The following POLN variants were observed in gnomAD, a reference collection of about 807,000 sequenced individuals.
POLN encodes the protein DNA polymerase N.
In POLN, 108 loss-of-function variants were observed where a neutral mutation model predicts 113.5. The ratio of observed to expected loss-of-function variants is 0.95; its 90% CI spans 0.81 to 1.12. POLN has a LOEUF of 1.12. Ranked by LOEUF, POLN falls within the 50% of genes most tolerant of loss-of-function variation. POLN has a pLI of 0.00. For missense variants in POLN, 1,097 were observed against 1,077.1 expected, an observed-to-expected ratio of 1.02 and a Z score of -0.26; for synonymous variants, 386 against 391.5, an observed-to-expected ratio of 0.99 and a Z score of 0.17.
chr4:2,170,730 GTT>G lies in POLN; in HGVS notation c.1501_1502del (p.Asn501GlnfsTer77), dbSNP rs1469963031. The G allele has an allele frequency of 6.2e-7, 1 of 1,614,200 alleles. No homozygotes were observed. Among genetic ancestry groups the G allele is most frequent in the Non-Finnish European group, 8.5e-7 (1 of 1,180,028 alleles). ...TCTGCAACCCCGTTCTGGGGAGACT[GTT>G]CCTTTGACTCAGCAGGTGCAGCTTT... The part of the protein sequence containing the change: ...KLKLHLLSQR[N>X]SLPRTGLQKY... On this transcript the variant is annotated frameshift_variant, in exon 13 of 26. Coordinates refer to ENST00000511885, the MANE Select transcript of POLN (RefSeq NM_181808.4). LOFTEE classifies it high-confidence loss of function.
chr4:2,091,339 G>A (rs1436257824), intron 20 of POLN, among the ~76,000 whole-genome samples: 1 of 152,122 alleles, frequency 6.6e-6, no homozygotes, highest in African/African-American at 2.4e-5. Context: ...CGGTCCCCAG[G>A]CATAAAGAAA....
chr4:2,210,137 G>A (rs910228076), intron 4 of POLN, among the ~76,000 whole-genome samples: 1 of 151,722 alleles, frequency 6.6e-6, no homozygotes. Context: ...TTTTATTGCA[G>A]AGAAATATAT....
rs540431747 is a variant in POLN, at chr4:2,148,952, C to A, written c.1731+7836G>T. Among the ~76,000 whole-genome samples, 6 of 152,124 alleles carry A rather than the reference C, an allele frequency of 3.9e-5. 1 individual carries two copies. The South Asian group carries it at 1.2e-3, about 32-fold the overall frequency. The stretch of plus-strand genomic sequence containing the variant: ...AAACCTTTTAACTGAGAATTTTATA[C>A]CTCGCAAAAATAACTTTCAAAAACC... On this transcript the variant is annotated intron_variant, in intron 16 of 25. Transcript: ENST00000511885.
chr4:2,214,329 A>G (rs1409025676), intron 3 of POLN, among the ~76,000 whole-genome samples: 1 of 152,226 alleles, frequency 6.6e-6, no homozygotes, highest in Non-Finnish European at 1.5e-5. Flanking sequence ...CTTTATATAC[A>G]ACAAAGATAG....
At chr4:2,134,234 G>A (rs1731797427) in intron 16 of POLN, among the ~76,000 whole-genome samples, 1 of 152,132 alleles carries the variant, frequency 6.6e-6, no homozygotes, top group African/African-American at 2.4e-5. Context: ...GTATGAATGT[G>A]TCACAGTTTA....
At chr4:2,121,670 G>A (rs1731445833) in intron 19 of POLN, among the ~76,000 whole-genome samples, 1 of 151,932 alleles carries the variant, frequency 6.6e-6, no homozygotes, top group African/African-American at 2.4e-5. Flanking sequence ...TTTGATGTCT[G>A]CAGAATCTAT....
intron 19 of POLN, among the ~76,000 whole-genome samples, chr4:2,101,430 C>T (rs1730921410): frequency 6.6e-6 from 1 of 152,202 alleles, no homozygotes; most frequent in Non-Finnish European, 1.5e-5. Flanking sequence ...AGAAGGAAAA[C>T]AGGCAGCCTG....
chr4:2,185,983 A>G (rs1293015514), intron 7 of POLN, among the ~76,000 whole-genome samples: 2 of 152,274 alleles, frequency 1.3e-5, no homozygotes, highest in East Asian at 1.9e-4. Context: ...GCAAAAACCA[A>G]TATACAGCAC....
At chr4:2,178,120 C>T (rs932025397) in intron 8 of POLN, among the ~76,000 whole-genome samples, 6 of 152,256 alleles carry the variant, frequency 3.9e-5, no homozygotes, top group Non-Finnish European at 8.8e-5. Flanking sequence ...GGATGAAGTA[C>T]ATGAGGCAAA....
chr4:2,231,088 A>G (rs976167687), intron 2 of POLN: 1 of 152,142 alleles, frequency 6.6e-6, no homozygotes, highest in African/African-American at 2.4e-5. Context: ...CAGAATTCAG[A>G]CTCTAAAATG....
chr4:2,127,561 T>C lies in POLN; in HGVS notation c.1982+552A>G, dbSNP rs1268877443. 6.6e-6 allele frequency among the ~76,000 whole-genome samples: 1 copy of C among 152,130 alleles called. No homozygotes were observed. The highest frequency in any genetic ancestry group is 2.4e-5 in the African/African-American group (1 of 41,424). Reference sequence around the variant, plus strand: ...CTGCTTTGGAGACCGGAGCAGGTATTCCACCAGGAGGAAGAGAAGCCAACG... The same window carrying C: ...CTGCTTTGGAGACCGGAGCAGGTATCCCACCAGGAGGAAGAGAAGCCAACG... On this transcript the variant is annotated intron_variant, in intron 19 of 25. Transcript: ENST00000511885. The surrounding 1 kb of genome is among the most constrained non-coding windows in gnomAD (Gnocchi z 4.7).
At chr4:2,207,174 T>C (rs925035378) in intron 5 of POLN, among the ~76,000 whole-genome samples, 32 of 152,176 alleles carry the variant, frequency 2.1e-4, no homozygotes, top group African/African-American at 7.5e-4. Flanking sequence ...TGTATGTTCT[T>C]ACTTATAGGT....
rs1734197985 is a variant in POLN, at chr4:2,219,376, T to C, written c.134-6250A>G. Among the ~76,000 whole-genome samples, 3 of 152,316 alleles carry C rather than the reference T, an allele frequency of 2.0e-5. No individual in the cohort carries two copies. The South Asian group carries it at 6.2e-4, about 32-fold the overall frequency. On this transcript the variant is annotated intron_variant, in intron 3 of 25. Transcript: ENST00000511885. ...AAAGACAGGAAAAATAACTGCCATA[T>C]ACACTCACTATGGTGTTGCATAATC...
At chr4:2,175,463 A>G (rs1035580164) in intron 9 of POLN, among the ~76,000 whole-genome samples, 3 of 152,190 alleles carry the variant, frequency 2.0e-5, no homozygotes, top group Non-Finnish European at 1.5e-5. Context: ...TGAATTCCCA[A>G]AATTTACCAA....
chr4:2,240,542 CAG>C lies in POLN; in HGVS notation c.-13+976_-13+977del, dbSNP rs758954408. 3 of 1,613,686 alleles carry C rather than the reference CAG, an allele frequency of 1.9e-6. No individual in the cohort carries two copies. The Admixed American group carries it at 5.0e-5, about 27-fold the overall frequency. ...CTTCTTCTTCTTTAGCATTTAACCTCAGAGATTTGTGGCTAGTTACTGAAGCC... is the reference window on the plus strand; with the variant it reads ...CTTCTTCTTCTTTAGCATTTAACCTCAGATTTGTGGCTAGTTACTGAAGCC... On this transcript the variant is annotated intron_variant, in intron 2 of 25. Transcript: ENST00000511885.
chr4:2,167,878 G>C (rs1349280582), intron 13 of POLN, among the ~76,000 whole-genome samples: 1 of 152,022 alleles, frequency 6.6e-6, no homozygotes, highest in Non-Finnish European at 1.5e-5. Context: ...CAGCCTGGGT[G>C]ACAAGAGCAA....
At chr4:2,188,506 CAGG>C (rs1376521304) in intron 7 of POLN, among the ~76,000 whole-genome samples, 3 of 151,924 alleles carry the variant, frequency 2.0e-5, no homozygotes, top group African/African-American at 7.3e-5. Flanking sequence ...GAGGCTGAGG[CAGG>C]AGAATGGCGT....
chr4:2,180,136 G>A (rs894955365), intron 7 of POLN, among the ~76,000 whole-genome samples: 3 of 152,186 alleles, frequency 2.0e-5, no homozygotes, highest in East Asian at 3.9e-4. Flanking sequence ...AGGCCACCTC[G>A]CCCCTTCAGT....
In POLN at chr4:2,121,296, A is replaced by G. The variant is rs949204579; in HGVS notation, c.1982+6817T>C. ...CTAAAAATACAAAAATTAGCTGGGC[A>G]TGGTGGCAGATGTCTGTAATCCCAG... On this transcript the variant is annotated intron_variant, in intron 19 of 25. Coordinates refer to ENST00000511885, the MANE Select transcript of POLN (RefSeq NM_181808.4). Among the ~76,000 whole-genome samples the G allele has an allele frequency of 5.9e-5, 9 of 152,134 alleles. No homozygotes were observed. The East Asian group carries it at 1.7e-3, about 29-fold the overall frequency.
Sources: gnomAD v4.1 joint callset for allele counts (sites outside exome capture counted in the v4.1 genomes callset) on GRCh38, gnomAD v4.1.1 for gene constraint, Gnocchi (gnomAD v3.1) non-coding constraint, MANE v1.5 for transcripts, NCBI Gene and HGNC (gene_info 2026-07-23, HGNC 2026-07-21) for gene names.